AGPAT5: variants seen among roughly 807,000 people sequenced by gnomAD.
AGPAT5 encodes the protein 1-acyl-sn-glycerol-3-phosphate acyltransferase epsilon.
AGPAT5 carries 46 observed loss-of-function variants against 45.6 expected under a neutral mutation model. The ratio of observed to expected loss-of-function variants is 1.01; its 90% CI spans 0.80 to 1.29. The LOEUF (loss-of-function observed/expected upper bound fraction) is 1.29. Among genes scored for constraint, AGPAT5 ranks in the 50% most tolerant of loss-of-function variants. The pLI, the probability that AGPAT5 is intolerant of heterozygous loss-of-function variation, is 0.00. For synonymous variants in AGPAT5, 272 were observed against 167.0 expected (o/e 1.63, Z -4.85); for missense variants, 673 against 450.7 (o/e 1.49, Z -4.47).
chr8:6,732,792 C>T (rs761379532), intron 4 of AGPAT5, 142 bp downstream of exon 4: 11 of 767,548 alleles, frequency 1.4e-5, no homozygotes, highest in Non-Finnish European at 2.0e-5. Context: ...GTAACAGAAA[C>T]CCTCTATGTA....
rs552865777 is a variant in AGPAT5, at chr8:6,757,465, C to A, written c.*77C>A. On this transcript the variant is annotated 3_prime_UTR_variant, in exon 8 of 8. Transcript: ENST00000285518. ...GGCTGCACATGACATCAAATTGTTT[C>A]CTGAATTTATTAAGGAGTGTAAATA... 13 of 1,150,730 alleles carry A rather than the reference C, an allele frequency of 1.1e-5. No individual in the cohort carries two copies. In the Admixed American group the frequency reaches 2.2e-4, roughly 19 times the overall value. The allele number at this position is 1,150,730 out of a possible 1,614,324, so 71.3% of individuals were successfully genotyped here.
chr8:6,740,620 C>T (rs1183861278), intron 4 of AGPAT5, among the ~76,000 whole-genome samples: 4 of 151,686 alleles, frequency 2.6e-5, no homozygotes, highest in Admixed American at 1.3e-4. Context: ...TGCATATTTG[C>T]GTGGAAGCTG....
intron 1 of AGPAT5, among the ~76,000 whole-genome samples, chr8:6,712,676 A>G (rs1343828518): frequency 6.6e-6 from 1 of 152,228 alleles, no homozygotes; most frequent in Non-Finnish European, 1.5e-5. Context: ...GTTACCTTAA[A>G]TTCTATCATC....
chr8:6,755,146 C>T lies in AGPAT5; in HGVS notation c.841C>T (p.Leu281=), dbSNP rs759279355. The stretch of plus-strand genomic sequence containing the variant: ...AGAACAAGAACATATGAGAAGATGG[C>T]TGCATGAACGTTTCGAAATCAAAGA... The part of the protein sequence containing the change: ...PEEQEHMRRW[L]HERFEIKDKM... The change falls in exon 7 of 8, where the codon CTG becomes TTG. Residue 281 remains leucine (L), a synonymous_variant. Coordinates refer to ENST00000285518, the MANE Select transcript of AGPAT5 (RefSeq NM_018361.5). 4.1e-5 allele frequency: 66 copies of T among 1,605,474 alleles called. No individual in the cohort carries two copies. The highest frequency in any genetic ancestry group is 5.6e-5 in the Non-Finnish European group (66 of 1,178,530).
intron 6 of AGPAT5, among the ~76,000 whole-genome samples, chr8:6,749,124 A>T (rs1175884171): frequency 2.0e-5 from 3 of 152,106 alleles, no homozygotes; most frequent in Non-Finnish European, 4.4e-5. Flanking sequence ...GATGTTAGGG[A>T]TTTTTCCAAA....
At chr8:6,716,021 G>A (rs1395464396) in intron 1 of AGPAT5, among the ~76,000 whole-genome samples, 4 of 152,002 alleles carry the variant, frequency 2.6e-5, no homozygotes, top group Non-Finnish European at 4.4e-5. Context: ...CTTCTGGGCC[G>A]CCCCTCCCCA....
chr8:6,717,334 G>A (rs59366445), intron 1 of AGPAT5, among the ~76,000 whole-genome samples: 2,353 of 152,174 alleles, frequency 0.015, 73 homozygotes, highest in East Asian at 0.12. Flanking sequence ...ACTTTACTGC[G>A]CTCCTCCAGC....
chr8:6,758,883 A>C lies in AGPAT5; in HGVS notation c.*1495A>C, dbSNP rs2116977688. 1 of 152,808 alleles carries C rather than the reference A, an allele frequency of 6.5e-6. No homozygotes were observed. Among genetic ancestry groups the C allele is most frequent in the African/African-American group, 2.4e-5 (1 of 41,586 alleles). 9.5% of individuals were successfully genotyped at this position (152,808 alleles called of 1,614,324 possible). ...TGCTGCAGAAATATATCAGTGGCCC[A>C]CATTAAACATACCAGTTGGATCATG... On this transcript the variant is annotated 3_prime_UTR_variant, in exon 8 of 8. Transcript: ENST00000285518.
At chr8:6,730,615 C>A (rs1299155802) in intron 2 of AGPAT5, 96 bp from the exon 3 acceptor site, 1 of 91,998 alleles carries the variant, frequency 1.1e-5, no homozygotes, top group East Asian at 3.4e-4. Context: ...CAGGCGTGAG[C>A]CACCGCGCCC....
Position 6,758,093 on chromosome 8 carries a change from C to T in AGPAT5, c.*705C>T, listed in dbSNP as rs1334362479. On this transcript the variant is annotated 3_prime_UTR_variant, in exon 8 of 8. Transcript: ENST00000285518. ...GAAGTTTAAAATTGTGACTCTGATTCATTATAGCAGAACTTTAAATTTCCC... is the reference window on the plus strand; with the variant it reads ...GAAGTTTAAAATTGTGACTCTGATTTATTATAGCAGAACTTTAAATTTCCC... The T allele has an allele frequency of 2.0e-5, 3 of 152,230 alleles. No individual in the cohort carries two copies. The highest frequency in any genetic ancestry group is 2.9e-5 in the Non-Finnish European group (2 of 68,050). 9.4% of individuals were successfully genotyped at this position (152,230 alleles called of 1,614,324 possible). A position where few individuals can be genotyped will look rare whatever the true frequency, so the allele number is the denominator to read the frequency against.
At chr8:6,724,988 TG>T in intron 2 of AGPAT5, 49 bp downstream of exon 2, 1 of 722,350 alleles carries the variant, frequency 1.4e-6, no homozygotes, top group Non-Finnish European at 2.0e-6. Flanking sequence ...AGATGGCACA[TG>T]GGCATTCAAA....
chr8:6,730,675 C>A (rs774332640), intron 2 of AGPAT5, 36 bp from the exon 3 acceptor site: 2 of 1,421,476 alleles, frequency 1.4e-6, no homozygotes, highest in Non-Finnish European at 2.0e-6. Context: ...CTGTGAAGAG[C>A]CTCATGTACG....
At chr8:6,713,829 T>C (rs1800234796) in intron 1 of AGPAT5, among the ~76,000 whole-genome samples, 1 of 152,196 alleles carries the variant, frequency 6.6e-6, no homozygotes, top group South Asian at 2.1e-4. Flanking sequence ...CCACCATGCT[T>C]AGCTGATTCA....
chr8:6,719,032 T>C (rs1311605709), intron 1 of AGPAT5, among the ~76,000 whole-genome samples: 7 of 152,206 alleles, frequency 4.6e-5, no homozygotes, highest in Non-Finnish European at 8.8e-5. Flanking sequence ...TACCTTTCCA[T>C]GGTCGAAGAT....
At chr8:6,752,916 T>G (rs1801705172) in intron 6 of AGPAT5, among the ~76,000 whole-genome samples, 1 of 152,178 alleles carries the variant, frequency 6.6e-6, no homozygotes, top group Non-Finnish European at 1.5e-5. Context: ...TGTCGCATGC[T>G]CCTCTCATTG....
intron 4 of AGPAT5, among the ~76,000 whole-genome samples, chr8:6,733,447 T>C (rs1461246940): frequency 6.6e-6 from 1 of 152,170 alleles, no homozygotes; most frequent in African/African-American, 2.4e-5. Flanking sequence ...GGTGTGAGCA[T>C]TGTTTATTCA....
chr8:6,732,660 T>A lies in AGPAT5; in HGVS notation c.495+10T>A. 3 of 1,576,516 alleles carry A rather than the reference T, an allele frequency of 1.9e-6. No homozygotes were observed. Among genetic ancestry groups the A allele is most frequent in the Non-Finnish European group, 1.7e-6 (2 of 1,167,570 alleles). On this transcript the variant is annotated intron_variant, in intron 4 of 7. Coordinates refer to ENST00000285518, the MANE Select transcript of AGPAT5 (RefSeq NM_018361.5). ...GGACGCAGGAACTCCAGTAAGAGCC[T>A]ACCCGTTTTTATTTTTCTTACCAGC...
chr8:6,749,591 T>A (rs532088596), intron 6 of AGPAT5, among the ~76,000 whole-genome samples: 47 of 152,316 alleles, frequency 3.1e-4, no homozygotes, highest in African/African-American at 1.1e-3. Flanking sequence ...ATGTGCAAAT[T>A]TAAGTATATC....
intron 4 of AGPAT5, among the ~76,000 whole-genome samples, chr8:6,736,471 A>T (rs1219431337): frequency 1.3e-5 from 2 of 152,226 alleles, no homozygotes. Flanking sequence ...ATAATTTAAA[A>T]GGTGTGTTGG....
Sources: allele counts gnomAD v4.1 joint callset (sites outside exome capture counted in the v4.1 genomes callset), GRCh38; gene constraint gnomAD v4.1.1; transcripts MANE v1.5; gene names NCBI Gene and HGNC (gene_info 2026-07-23, HGNC 2026-07-21).